Variants in TAS2R1 observed in about 807,000 individuals in gnomAD.
TAS2R1 encodes taste 2 receptor member 1.
For synonymous variants in TAS2R1, 141 were observed against 134.2 expected (o/e 1.05, Z -0.35); for missense variants, 370 against 353.4 (o/e 1.05, Z -0.38).
At chr5:9,822,639 G>A in the TAS2R1 span, among the ~76,000 whole-genome samples, 8 of 152,074 alleles carry the variant, frequency 5.3e-5, no homozygotes, top group East Asian at 7.7e-4. Context: ...GTGAGCCACC[G>A]TGCCCAGCCT....
chr5:9,842,380 G>A, the TAS2R1 span, among the ~76,000 whole-genome samples: 1 of 147,586 alleles, frequency 6.8e-6, no homozygotes, highest in African/African-American at 2.5e-5. Context: ...GAGTGCAGTG[G>A]CACAATCTCA....
intron 2 of TAS2R1, among the ~76,000 whole-genome samples, chr5:9,640,244 C>T (rs1740043731): frequency 6.6e-6 from 1 of 151,904 alleles, no homozygotes; most frequent in Admixed American, 6.6e-5. Flanking sequence ...TCAGTCAGAA[C>T]ACACACAACA....
the TAS2R1 span, among the ~76,000 whole-genome samples, chr5:9,823,406 A>C: frequency 9.2e-5 from 14 of 151,950 alleles, no homozygotes; most frequent in Non-Finnish European, 1.8e-4. Flanking sequence ...CTTGACATAG[A>C]AACAGCAAAA....
intron 1 of TAS2R1, among the ~76,000 whole-genome samples, chr5:9,700,672 G>A (rs1228453622): frequency 2.0e-5 from 3 of 152,048 alleles, no homozygotes; most frequent in African/African-American, 7.2e-5. Flanking sequence ...TTTGATCACA[G>A]TCCTGGAGGC....
chr5:9,820,672 G>A, the TAS2R1 span, among the ~76,000 whole-genome samples: 1 of 152,190 alleles, frequency 6.6e-6, no homozygotes, highest in Non-Finnish European at 1.5e-5. Flanking sequence ...ACCACAGGCA[G>A]CACAAAGAGC....
At chr5:9,873,779 G>T in the TAS2R1 span, among the ~76,000 whole-genome samples, 1 of 150,706 alleles carries the variant, frequency 6.6e-6, no homozygotes, top group Non-Finnish European at 1.5e-5. Context: ...TGAGGCAGGA[G>T]AATTGCTTGA....
At chr5:9,708,003 G>A (rs559083123) in intron 1 of TAS2R1, among the ~76,000 whole-genome samples, 53 of 152,200 alleles carry the variant, frequency 3.5e-4, no homozygotes, top group African/African-American at 1.1e-3. Context: ...TATCTCTAGC[G>A]TTTAATGAAA....
the TAS2R1 span, among the ~76,000 whole-genome samples, chr5:9,822,328 T>G: frequency 6.6e-6 from 1 of 151,320 alleles, no homozygotes; most frequent in South Asian, 2.1e-4. Flanking sequence ...TCATAATATG[T>G]AATGTATGCA....
At chr5:9,729,080 C>T in the TAS2R1 span, among the ~76,000 whole-genome samples, 457 of 152,328 alleles carry the variant, frequency 3.0e-3, 3 homozygotes, top group African/African-American at 0.011. Flanking sequence ...CTCTCACCCT[C>T]GCCTTTAATC....
intron 2 of TAS2R1, among the ~76,000 whole-genome samples, chr5:9,647,843 C>CT (rs1403219335): frequency 6.6e-6 from 1 of 152,014 alleles, no homozygotes; most frequent in Non-Finnish European, 1.5e-5. Context: ...TTCTCCCTGC[C>CT]TGGCATGAAA....
the TAS2R1 span, among the ~76,000 whole-genome samples, chr5:9,750,089 G>C: frequency 6.6e-6 from 1 of 152,174 alleles, no homozygotes; most frequent in Non-Finnish European, 1.5e-5. Context: ...CCAATAGGAT[G>C]CACCAGCAGG....
chr5:9,741,836 G>A, the TAS2R1 span, among the ~76,000 whole-genome samples: 2 of 152,112 alleles, frequency 1.3e-5, no homozygotes, highest in Non-Finnish European at 2.9e-5. Flanking sequence ...CAGCATAAAC[G>A]TCATTATTCA....
At chr5:9,640,634 A>G (rs547264023) in intron 2 of TAS2R1, among the ~76,000 whole-genome samples, 5 of 152,028 alleles carry the variant, frequency 3.3e-5, no homozygotes, top group Admixed American at 1.3e-4. Flanking sequence ...TTGGTTTCTC[A>G]GTCAAGCGTC....
At chr5:9,639,990 AAC>A (rs1740040465) in intron 2 of TAS2R1, among the ~76,000 whole-genome samples, 2 of 152,224 alleles carry the variant, frequency 1.3e-5, no homozygotes, top group South Asian at 4.2e-4. Flanking sequence ...ATTTTCTTCA[AAC>A]AGTTTTCCTT....
At chr5:9,706,768 G>C (rs1268307124) in intron 1 of TAS2R1, among the ~76,000 whole-genome samples, 3 of 152,106 alleles carry the variant, frequency 2.0e-5, no homozygotes, top group Non-Finnish European at 4.4e-5. Flanking sequence ...AGAGAGGAAG[G>C]CTTGGTCCAC....
intron 1 of TAS2R1, among the ~76,000 whole-genome samples, chr5:9,668,014 T>C (rs894466079): frequency 2.0e-5 from 3 of 152,054 alleles, no homozygotes; most frequent in African/African-American, 7.2e-5. Flanking sequence ...GCAAGGAATC[T>C]AAGGAATGCA....
chr5:9,873,014 T>C, the TAS2R1 span, among the ~76,000 whole-genome samples: 1 of 152,230 alleles, frequency 6.6e-6, no homozygotes. Context: ...CAGGCAGACA[T>C]CACCACTCAG....
chr5:9,661,233 T>A (rs890176959), intron 1 of TAS2R1, among the ~76,000 whole-genome samples: 1 of 152,246 alleles, frequency 6.6e-6, no homozygotes, highest in Admixed American at 6.5e-5. Flanking sequence ...AGCCACAGCC[T>A]CTTAGCATGA....
chr5:9,672,389 C>T (rs1290998730), intron 1 of TAS2R1, among the ~76,000 whole-genome samples: 1 of 148,614 alleles, frequency 6.7e-6, no homozygotes, highest in Non-Finnish European at 1.5e-5. Context: ...ATGCATCTGA[C>T]AAAGTTCTAA....
Sources: allele counts gnomAD v4.1 joint callset (sites outside exome capture counted in the v4.1 genomes callset), GRCh38; gene constraint gnomAD v4.1.1; transcripts MANE v1.5; gene names NCBI Gene and HGNC (gene_info 2026-07-23, HGNC 2026-07-21).